PDZRN4: variants seen among roughly 807,000 people sequenced by gnomAD.
The protein encoded by PDZRN4 is PDZ domain containing ring finger 4.
PDZRN4 carries 70 observed loss-of-function variants against 99.0 expected under a neutral mutation model. The observed-to-expected ratio is 0.71, with a 90% CI of 0.58 to 0.86. The LOEUF (loss-of-function observed/expected upper bound fraction) is 0.86. Ranked by LOEUF, PDZRN4 falls within the 40% of genes least tolerant of loss-of-function variation. The pLI is 0.00. For missense variants in PDZRN4, 1,474 were observed against 1,331.2 expected (o/e 1.11, Z -1.67); for synonymous variants, 551 against 501.6 (o/e 1.10, Z -1.32).
chr12:41,522,571 A>T (rs1252702126), intron 5 of PDZRN4, among the ~76,000 whole-genome samples: 1 of 152,106 alleles, frequency 6.6e-6, no homozygotes, highest in East Asian at 1.9e-4. Flanking sequence ...ACAGAAGGAA[A>T]TGAATTAACA....
Position 41,253,345 on chromosome 12 carries a change from G to C in PDZRN4, c.843+59157G>C, listed in dbSNP as rs1051901959. On this transcript the variant is annotated intron_variant, in intron 3 of 9. Coordinates refer to ENST00000402685, the MANE Select transcript of PDZRN4 (RefSeq NM_001164595.2). ...TAACCCATTTTGATTTGATTTTTATGAATGGTAAGAGACAGGGTTCTAGTT... is the reference window on the plus strand; with the variant it reads ...TAACCCATTTTGATTTGATTTTTATCAATGGTAAGAGACAGGGTTCTAGTT... Among the ~76,000 whole-genome samples the C allele has an allele frequency of 2.6e-5, 4 of 152,264 alleles. No individual in the cohort carries two copies. In the East Asian group the frequency reaches 7.7e-4, roughly 29 times the overall value.
At chr12:41,295,251 A>G (rs1048145044) in intron 3 of PDZRN4, among the ~76,000 whole-genome samples, 1 of 152,192 alleles carries the variant, frequency 6.6e-6, no homozygotes, top group African/African-American at 2.4e-5. Flanking sequence ...ATGAAAATTA[A>G]AAAAAGGATT....
chr12:41,474,193 C>T (rs190117469), intron 3 of PDZRN4, among the ~76,000 whole-genome samples: 4 of 152,244 alleles, frequency 2.6e-5, no homozygotes, highest in Admixed American at 1.3e-4. Context: ...CAATAATAGC[C>T]ACCACATACT....
At chr12:41,241,752 T>C (rs1951103318) in intron 3 of PDZRN4, among the ~76,000 whole-genome samples, 1 of 152,176 alleles carries the variant, frequency 6.6e-6, no homozygotes, top group African/African-American at 2.4e-5. Context: ...AAGTGTTTAT[T>C]AGTATTCATG....
intron 3 of PDZRN4, among the ~76,000 whole-genome samples, chr12:41,409,307 T>C (rs1952375134): frequency 6.6e-6 from 1 of 152,106 alleles, no homozygotes; most frequent in South Asian, 2.1e-4. Context: ...TATTGAGTCT[T>C]GACCAGATCC....
chr12:41,526,067 T>A (rs978942896), intron 5 of PDZRN4, among the ~76,000 whole-genome samples: 5 of 152,176 alleles, frequency 3.3e-5, no homozygotes, highest in Non-Finnish European at 7.3e-5. Context: ...CAACACCTGG[T>A]GTACTTGGCC....
At chr12:41,262,553 A>G (rs1951247554) in intron 3 of PDZRN4, among the ~76,000 whole-genome samples, 2 of 152,238 alleles carry the variant, frequency 1.3e-5, no homozygotes, top group South Asian at 2.1e-4. Flanking sequence ...ATGGTTGTAG[A>G]GGTACAGACT....
intron 5 of PDZRN4, among the ~76,000 whole-genome samples, chr12:41,541,960 C>T (rs2599254): frequency 0.16 from 23,640 of 152,050 alleles, 2,190 homozygotes; most frequent in African/African-American, 0.26. Flanking sequence ...AACTATAAAA[C>T]AGTATCCCAA....
At chr12:41,237,059 G>A (rs1212112371) in intron 3 of PDZRN4, among the ~76,000 whole-genome samples, 1 of 152,022 alleles carries the variant, frequency 6.6e-6, no homozygotes, top group Non-Finnish European at 1.5e-5. Context: ...AGAAGGATTA[G>A]AATTCACAAA....
At chr12:41,374,871 G>A (rs762572982) in intron 3 of PDZRN4, among the ~76,000 whole-genome samples, 2 of 152,190 alleles carry the variant, frequency 1.3e-5, no homozygotes, top group Non-Finnish European at 2.9e-5. Flanking sequence ...TAGACCTAGT[G>A]ACTTTCCCCT....
chr12:41,309,048 T>C (rs1472618431), intron 3 of PDZRN4, among the ~76,000 whole-genome samples: 1 of 152,008 alleles, frequency 6.6e-6, no homozygotes, highest in African/African-American at 2.4e-5. Flanking sequence ...ATGAGAGACC[T>C]AGATTAAAGA....
intron 3 of PDZRN4, among the ~76,000 whole-genome samples, chr12:41,215,128 A>C (rs997052824): frequency 6.6e-6 from 1 of 152,042 alleles, no homozygotes; most frequent in Non-Finnish European, 1.5e-5. Context: ...CCTGACCAAA[A>C]TGTTCCACAT....
At chr12:41,443,483 C>T (rs938946436) in intron 3 of PDZRN4, among the ~76,000 whole-genome samples, 1 of 152,040 alleles carries the variant, frequency 6.6e-6, no homozygotes, top group African/African-American at 2.4e-5. Flanking sequence ...TAAAGAATTT[C>T]CCATCTTCCA....
At position 41,188,356 on chromosome 12, in the gene PDZRN4, C is replaced by T; in HGVS notation, c.-100C>T. On this transcript the variant is annotated 5_prime_UTR_variant, in exon 1 of 10. Transcript: ENST00000402685. ...CACCCGCCACCTCCCTCCACTGCCG[C>T]CGCCGCGAGACGGCTGCCCCGGGGG... 8.3e-7 allele frequency: 1 copy of T among 1,203,688 alleles called. No homozygotes were observed. The highest frequency in any genetic ancestry group is 1.1e-6 in the Non-Finnish European group (1 of 893,700). 74.6% of individuals were successfully genotyped at this position (1,203,688 alleles called of 1,614,324 possible). A position where few individuals can be genotyped will look rare whatever the true frequency, so the allele number is the denominator to read the frequency against.
intron 3 of PDZRN4, among the ~76,000 whole-genome samples, chr12:41,455,034 C>T (rs1220492030): frequency 9.2e-5 from 14 of 152,278 alleles, no homozygotes; most frequent in Admixed American, 6.5e-5. Flanking sequence ...TTGTATTGGA[C>T]AGTGCAGGGT....
chr12:41,393,858 A>G (rs1005514470), intron 3 of PDZRN4, among the ~76,000 whole-genome samples: 1 of 152,182 alleles, frequency 6.6e-6, no homozygotes, highest in Non-Finnish European at 1.5e-5. Context: ...GCTGGGCTCA[A>G]CTGGAACTGA....
At chr12:41,276,783 A>G (rs898212692) in intron 3 of PDZRN4, among the ~76,000 whole-genome samples, 1 of 152,214 alleles carries the variant, frequency 6.6e-6, no homozygotes, top group Non-Finnish European at 1.5e-5. Context: ...TAAAGTACTA[A>G]GCAAAGTGCC....
At chr12:41,454,828 G>T (rs1952804954) in intron 3 of PDZRN4, among the ~76,000 whole-genome samples, 1 of 152,180 alleles carries the variant, frequency 6.6e-6, no homozygotes, top group Non-Finnish European at 1.5e-5. Context: ...GTAAAAAATG[G>T]CCTGAACCAA....
intron 3 of PDZRN4, among the ~76,000 whole-genome samples, chr12:41,443,196 A>G (rs987230754): frequency 2.0e-5 from 3 of 152,104 alleles, no homozygotes; most frequent in African/African-American, 4.8e-5. Flanking sequence ...AGAATGTTCA[A>G]TTTAACCTGG....
Sources: gnomAD v4.1 joint callset for allele counts (sites outside exome capture counted in the v4.1 genomes callset) on GRCh38, gnomAD v4.1.1 for gene constraint, MANE v1.5 for transcripts, NCBI Gene and HGNC (gene_info 2026-07-23, HGNC 2026-07-21) for gene names.